Variants in SPECC1 observed in about 807,000 individuals in gnomAD.
SPECC1 encodes cytospin-B.
Under a neutral mutation model 104.1 loss-of-function variants are expected in SPECC1, and 62 were observed. That is an observed-to-expected ratio of 0.60 (90% confidence interval 0.49 to 0.74). The LOEUF (loss-of-function observed/expected upper bound fraction) is 0.74, where lower values mean the gene tolerates loss of function less well. Ranked by LOEUF, SPECC1 falls within the 30% of genes least tolerant of loss-of-function variation. The pLI, the probability that SPECC1 is intolerant of heterozygous loss-of-function variation, is 0.00. For missense variants in SPECC1, 1,306 were observed against 1,310.5 expected (o/e 1.00, Z 0.05); for synonymous variants, 513 against 501.6 (o/e 1.02, Z -0.30).
intron 12 of SPECC1, among the ~76,000 whole-genome samples, chr17:20,292,589 G>A (rs2041208660): frequency 6.6e-6 from 1 of 152,124 alleles, no homozygotes; most frequent in African/African-American, 2.4e-5. Context: ...CTCAGCCTCT[G>A]TAACCTACAA....
chr17:20,317,259 A>AAATTTTTTTTTTTTTTT lies in SPECC1; in HGVS notation c.*3194_*3195insAATTTTTTTTTTTTTTT. The AAATTTTTTTTTTTTTTT allele has an allele frequency of 1.4e-5, 1 of 69,510 alleles. No homozygotes were observed. Among genetic ancestry groups the AAATTTTTTTTTTTTTTT allele is most frequent in the South Asian group, 7.9e-4 (1 of 1,268 alleles). The allele number at this position is 69,510 out of a possible 1,614,324, so 4.3% of individuals were successfully genotyped here. On this transcript the variant is annotated 3_prime_UTR_variant, in exon 15 of 15. Coordinates refer to ENST00000395527, the MANE Select transcript of SPECC1 (RefSeq NM_001243439.2). ...GCAAGACCTCTGACTCTATAAAAAAATTTTTTTTTTTTTTTTTTTTTGAGA... is the reference window on the plus strand; with the variant it reads ...GCAAGACCTCTGACTCTATAAAAAAAAATTTTTTTTTTTTTTTTTTTTTTTTTTTTTTTTTTTTGAGA...
At chr17:20,184,390 A>T (rs1016240944) in intron 3 of SPECC1, among the ~76,000 whole-genome samples, 3 of 152,174 alleles carry the variant, frequency 2.0e-5, no homozygotes, top group Non-Finnish European at 1.5e-5. Context: ...GAGAGAATGT[A>T]TTCTTGGAAG....
chr17:20,052,968 T>A (rs779540384), intron 1 of SPECC1, among the ~76,000 whole-genome samples: 1 of 152,226 alleles, frequency 6.6e-6, no homozygotes, highest in East Asian at 1.9e-4. Flanking sequence ...GCACCCATTC[T>A]TTCTTATTTT....
chr17:20,250,699 T>C (rs1274831298), intron 9 of SPECC1, among the ~76,000 whole-genome samples: 2 of 152,184 alleles, frequency 1.3e-5, no homozygotes, highest in African/African-American at 2.4e-5. Context: ...ATTCAGAGAC[T>C]AGGAAAGAGG....
intron 14 of SPECC1, 30 bp downstream of exon 14, chr17:20,306,112 A>G (rs761515301): frequency 6.3e-7 from 1 of 1,594,798 alleles, no homozygotes; most frequent in Non-Finnish European, 8.6e-7. Flanking sequence ...TCCTTGTGAT[A>G]CTTTAATTGT....
chr17:20,087,002 G>T (rs1356581584), intron 1 of SPECC1: 1 of 152,084 alleles, frequency 6.6e-6, no homozygotes, highest in Non-Finnish European at 1.5e-5. Context: ...TTGGCTTAGG[G>T]GCCCCTAAGT....
chr17:20,145,179 T>C (rs1196081773), intron 3 of SPECC1, among the ~76,000 whole-genome samples: 2 of 152,216 alleles, frequency 1.3e-5, no homozygotes, highest in African/African-American at 4.8e-5. Context: ...AGTGCTTCAG[T>C]GGCAACAGGC....
At chr17:20,299,603 AAACATCTAG>A in intron 13 of SPECC1, among the ~76,000 whole-genome samples, 1 of 151,876 alleles carries the variant, frequency 6.6e-6, no homozygotes, top group East Asian at 1.9e-4. Flanking sequence ...ACCTTCACAG[AAACATCTAG>A]AATAATATTT....
At chr17:20,183,667 T>C (rs144070235) in intron 3 of SPECC1, among the ~76,000 whole-genome samples, 91 of 152,344 alleles carry the variant, frequency 6.0e-4, no homozygotes, top group African/African-American at 2.0e-3. Context: ...AGATTACTTA[T>C]ACTACCTAAT....
At chr17:20,070,666 T>C (rs2046515134) in intron 1 of SPECC1, among the ~76,000 whole-genome samples, 1 of 152,198 alleles carries the variant, frequency 6.6e-6, no homozygotes, top group African/African-American at 2.4e-5. Flanking sequence ...GTTGTTGTTA[T>C]AATCAAGGAT....
At chr17:20,081,640 G>A (rs1597663010) in intron 1 of SPECC1, among the ~76,000 whole-genome samples, 1 of 152,124 alleles carries the variant, frequency 6.6e-6, no homozygotes, top group East Asian at 1.9e-4. Flanking sequence ...GAGGATGGAG[G>A]TGAATTAGAG....
intron 14 of SPECC1, among the ~76,000 whole-genome samples, chr17:20,308,839 G>A (rs2041849785): frequency 6.6e-6 from 1 of 152,202 alleles, no homozygotes; most frequent in African/African-American, 2.4e-5. Context: ...TACCAACAGA[G>A]AGATCAGGTA....
intron 1 of SPECC1, among the ~76,000 whole-genome samples, chr17:20,022,117 G>A (rs1340957634): frequency 6.7e-6 from 1 of 148,280 alleles, no homozygotes; most frequent in African/African-American, 2.5e-5. Flanking sequence ...AATTTTTTGT[G>A]TTTTCAGTAG....
chr17:20,200,135 A>G (rs1056747189), intron 3 of SPECC1, among the ~76,000 whole-genome samples: 1 of 152,254 alleles, frequency 6.6e-6, no homozygotes, highest in East Asian at 1.9e-4. Flanking sequence ...TTTTTTTCAT[A>G]TACAGTTTGG....
At chr17:20,062,464 G>A (rs1047288900) in intron 1 of SPECC1, among the ~76,000 whole-genome samples, 10 of 151,934 alleles carry the variant, frequency 6.6e-5, no homozygotes, top group African/African-American at 1.2e-4. Context: ...CTGTGCTCAC[G>A]TGATCCTCCC....
At chr17:20,168,421 T>G (rs894071705) in intron 3 of SPECC1, among the ~76,000 whole-genome samples, 4 of 152,210 alleles carry the variant, frequency 2.6e-5, no homozygotes, top group African/African-American at 9.7e-5. Context: ...TCATAAACAT[T>G]TAATTCCTGT....
At chr17:20,218,620 C>A (rs564332882) in intron 4 of SPECC1, among the ~76,000 whole-genome samples, 5 of 152,054 alleles carry the variant, frequency 3.3e-5, no homozygotes, top group African/African-American at 9.7e-5. Flanking sequence ...CTTCCTCCCC[C>A]CTCCCTTATT....
intron 1 of SPECC1, among the ~76,000 whole-genome samples, chr17:20,013,571 C>T (rs1394844151): frequency 6.6e-6 from 1 of 152,054 alleles, no homozygotes; most frequent in Non-Finnish European, 1.5e-5. Context: ...GCACGATCTC[C>T]GCTCACTGCG....
intron 3 of SPECC1, among the ~76,000 whole-genome samples, chr17:20,200,823 G>C (rs935741772): frequency 6.6e-6 from 1 of 150,576 alleles, no homozygotes; most frequent in African/African-American, 2.5e-5. Flanking sequence ...CCTGTGCTCT[G>C]TAACAGTTTC....
Sources: allele counts gnomAD v4.1 joint callset (sites outside exome capture counted in the v4.1 genomes callset), GRCh38; gene constraint gnomAD v4.1.1; transcripts MANE v1.5; gene names NCBI Gene and HGNC (gene_info 2026-07-23, HGNC 2026-07-21).